Variants in FAM184B observed in about 807,000 individuals in gnomAD.
FAM184B encodes the protein family with sequence similarity 184 member B.
FAM184B carries 111 observed loss-of-function variants against 135.9 expected under a neutral mutation model. That is an observed-to-expected ratio of 0.82 (90% CI 0.70 to 0.96). FAM184B has a LOEUF of 0.96. Ranked by LOEUF, FAM184B falls within the 40% of genes least tolerant of loss-of-function variation. The pLI is 0.00. For missense variants in FAM184B, 1,375 were observed against 1,323.9 expected, an observed-to-expected ratio of 1.04 and a Z score of -0.60; for synonymous variants, 552 against 524.8, an observed-to-expected ratio of 1.05 and a Z score of -0.71.
chr4:17,636,723 G>T, intron 14 of FAM184B, 78 bp from the exon 15 acceptor site: 1 of 1,210,078 alleles, frequency 8.3e-7, no homozygotes, highest in Non-Finnish European at 1.1e-6. Flanking sequence ...GCACACGATG[G>T]GAATGCCATC....
chr4:17,704,171 T>A (rs1717054321), intron 5 of FAM184B, among the ~76,000 whole-genome samples: 2 of 152,212 alleles, frequency 1.3e-5, no homozygotes, highest in Admixed American at 6.5e-5. Context: ...TACTGCAGAA[T>A]CTTGGGCTAT....
intron 1 of FAM184B, among the ~76,000 whole-genome samples, chr4:17,753,562 G>C (rs1025133815): frequency 1.3e-5 from 2 of 152,150 alleles, no homozygotes; most frequent in Admixed American, 1.3e-4. Context: ...TACTAGATTA[G>C]GGTGCTGTGA....
intron 1 of FAM184B, among the ~76,000 whole-genome samples, chr4:17,737,365 T>G (rs1473758521): frequency 6.6e-6 from 1 of 151,876 alleles, no homozygotes; most frequent in Non-Finnish European, 1.5e-5. Context: ...TTCAGAACAG[T>G]GTTCTTTTTT....
intron 1 of FAM184B, among the ~76,000 whole-genome samples, chr4:17,748,570 G>C (rs1223094177): frequency 2.8e-5 from 4 of 140,952 alleles, no homozygotes; most frequent in African/African-American, 5.4e-5. Flanking sequence ...CTGGAGTGCA[G>C]TGTAGTGGTG....
At chr4:17,779,713 C>T (rs180699916) in intron 1 of FAM184B, among the ~76,000 whole-genome samples, 35 of 152,356 alleles carry the variant, frequency 2.3e-4, no homozygotes, top group Admixed American at 2.3e-3. Context: ...TCTCCCCTCA[C>T]TGTTCCTCCC....
chr4:17,773,516 G>GTATC (rs1209265246), intron 1 of FAM184B, among the ~76,000 whole-genome samples: 1 of 152,182 alleles, frequency 6.6e-6, no homozygotes, highest in Non-Finnish European at 1.5e-5. Context: ...TAGTGCCCTG[G>GTATC]TATCTGCTTC....
At chr4:17,738,745 T>C (rs556689326) in intron 1 of FAM184B, among the ~76,000 whole-genome samples, 83 of 152,244 alleles carry the variant, frequency 5.5e-4, no homozygotes, top group Non-Finnish European at 1.0e-3. Flanking sequence ...AGGTGGGGCC[T>C]AATGGGGGTG....
In FAM184B at chr4:17,631,215, T is replaced by A. The variant is rs539266118; in HGVS notation, c.*1317A>T. 1.3e-5 allele frequency: 2 copies of A among 152,034 alleles called. No individual in the cohort carries two copies. 9.4% of individuals were successfully genotyped at this position (152,034 alleles called of 1,614,324 possible). ...AGACCAGAGGTTCAGGGGATATATA[T>A]ATATATTTTTTTAATCTGTAGAGAT... On this transcript the variant is annotated 3_prime_UTR_variant, in exon 18 of 18. Transcript: ENST00000265018.
intron 1 of FAM184B, among the ~76,000 whole-genome samples, chr4:17,737,916 G>A (rs1332434332): frequency 6.6e-6 from 1 of 152,166 alleles, no homozygotes; most frequent in Admixed American, 6.5e-5. Flanking sequence ...GCCTCTGGGA[G>A]CTTACAATTT....
chr4:17,644,730 C>T (rs1270232521), intron 12 of FAM184B, among the ~76,000 whole-genome samples: 1 of 152,190 alleles, frequency 6.6e-6, no homozygotes, highest in African/African-American at 2.4e-5. Context: ...GTTGGAAGTT[C>T]TGGCCACGGT....
At chr4:17,779,361 T>C (rs1718990690) in intron 1 of FAM184B, among the ~76,000 whole-genome samples, 1 of 152,220 alleles carries the variant, frequency 6.6e-6, no homozygotes, top group Admixed American at 6.5e-5. Context: ...ATTTAAGCAA[T>C]TAGCATAAAA....
chr4:17,632,367 G>T lies in FAM184B; in HGVS notation c.*165C>A. The T allele has an allele frequency of 2.0e-6, 1 of 511,580 alleles. No individual in the cohort carries two copies. Among genetic ancestry groups the T allele is most frequent in the Non-Finnish European group, 3.5e-6 (1 of 286,788 alleles). 31.7% of individuals were successfully genotyped at this position (511,580 alleles called of 1,614,324 possible). The stretch of plus-strand genomic sequence containing the variant: ...TGGGATTACAGGCGTGAGCTGCTGT[G>T]CCTGGCAGAACAGTATGAAGTGTTA... On this transcript the variant is annotated 3_prime_UTR_variant, in exon 18 of 18. Transcript: ENST00000265018.
intron 13 of FAM184B, among the ~76,000 whole-genome samples, chr4:17,639,822 C>T (rs1467126645): frequency 2.0e-5 from 3 of 150,666 alleles, no homozygotes. Flanking sequence ...AGTGGAAAGC[C>T]TCCCTGAACT....
At chr4:17,642,827 G>A (rs1367732790) in intron 12 of FAM184B, among the ~76,000 whole-genome samples, 3 of 152,224 alleles carry the variant, frequency 2.0e-5, no homozygotes, top group Non-Finnish European at 2.9e-5. Context: ...TAGAATGTCT[G>A]TAGTTCAGGT....
chr4:17,742,151 TATATATATATATA>T (rs1560190663), intron 1 of FAM184B, among the ~76,000 whole-genome samples: 1 of 75,338 alleles, frequency 1.3e-5, no homozygotes, highest in Admixed American at 1.6e-4. Flanking sequence ...TATATATATA[TATATATATATATA>T]TATATTTTTT....
chr4:17,726,807 C>G (rs1274011022), intron 1 of FAM184B, among the ~76,000 whole-genome samples: 1 of 152,162 alleles, frequency 6.6e-6, no homozygotes, highest in Non-Finnish European at 1.5e-5. Context: ...CTCAGCCTGC[C>G]CCAGGAAAGA....
chr4:17,639,493 A>AGC, intron 13 of FAM184B, 97 bp from the exon 14 acceptor site: 1 of 1,399,442 alleles, frequency 7.1e-7, no homozygotes, highest in South Asian at 1.3e-5. Context: ...CCAGTTTGGG[A>AGC]GATCTGGGTG....
At chr4:17,692,703 A>T (rs1366532648) in intron 6 of FAM184B, among the ~76,000 whole-genome samples, 1 of 152,108 alleles carries the variant, frequency 6.6e-6, no homozygotes, top group Non-Finnish European at 1.5e-5. Context: ...CACAGGTCTC[A>T]TGTGGAAGGT....
chr4:17,769,465 T>G (rs950003279), intron 1 of FAM184B, among the ~76,000 whole-genome samples: 9 of 152,318 alleles, frequency 5.9e-5, no homozygotes, highest in African/African-American at 2.2e-4. Flanking sequence ...CAACTCTGGT[T>G]CCCTGAAGGA....
Sources: allele counts gnomAD v4.1 joint callset (sites outside exome capture counted in the v4.1 genomes callset), GRCh38; gene constraint gnomAD v4.1.1; transcripts MANE v1.5; gene names NCBI Gene and HGNC (gene_info 2026-07-23, HGNC 2026-07-21).